RBFOX2: variants seen among roughly 807,000 people sequenced by gnomAD.
RBFOX2 encodes the protein RNA binding protein fox-1 homolog 2.
A neutral mutation model predicts 49.1 loss-of-function variants in RBFOX2; 10 were observed. The observed-to-expected ratio is 0.20, with a 90% CI of 0.13 to 0.35. The LOEUF is 0.35. Among genes scored for constraint, RBFOX2 ranks in the 10% least tolerant of loss-of-function variants. RBFOX2 has a pLI of 1.00. For synonymous variants in RBFOX2, 183 were observed against 187.4 expected (o/e 0.98, Z 0.19); for missense variants, 323 against 486.9 (o/e 0.66, Z 3.17).
intron 1 of RBFOX2, among the ~76,000 whole-genome samples, chr22:35,849,324 C>CACAG (rs1400152518): frequency 6.6e-6 from 1 of 151,608 alleles, no homozygotes; most frequent in Admixed American, 6.6e-5. Context: ...CACACACACA[C>CACAG]ACACACACAG....
intron 1 of RBFOX2, among the ~76,000 whole-genome samples, chr22:35,924,572 A>G (rs935844224): frequency 2.6e-5 from 4 of 152,216 alleles, no homozygotes; most frequent in African/African-American, 9.7e-5. Flanking sequence ...TTAATTTTTC[A>G]TATCGCTCTG....
intron 1 of RBFOX2, among the ~76,000 whole-genome samples, chr22:35,869,805 T>C (rs748057497): frequency 4.6e-5 from 7 of 152,232 alleles, no homozygotes. Context: ...GAAATTCTTT[T>C]AGTCACTGTG....
intron 1 of RBFOX2, among the ~76,000 whole-genome samples, chr22:35,923,779 G>A (rs1163328902): frequency 6.6e-6 from 1 of 150,864 alleles, no homozygotes; most frequent in African/African-American, 2.4e-5. Flanking sequence ...GGGTATGAAA[G>A]CAATACCCAT....
intron 1 of RBFOX2, among the ~76,000 whole-genome samples, chr22:35,860,791 G>C (rs1346432290): frequency 1.3e-5 from 2 of 152,150 alleles, no homozygotes; most frequent in African/African-American, 4.8e-5. Flanking sequence ...TAACATCCGA[G>C]AGAATTGAGT....
chr22:35,852,234 T>C (rs2042022302), intron 1 of RBFOX2, among the ~76,000 whole-genome samples: 1 of 152,170 alleles, frequency 6.6e-6, no homozygotes, highest in Non-Finnish European at 1.5e-5. Flanking sequence ...CACCATTTTA[T>C]ATAAGAAACT....
At chr22:35,903,204 C>T (rs2048778916) in intron 1 of RBFOX2, among the ~76,000 whole-genome samples, 1 of 152,076 alleles carries the variant, frequency 6.6e-6, no homozygotes, top group Admixed American at 6.6e-5. Flanking sequence ...CTTCAATCTA[C>T]TCAAAACAAA....
intron 8 of RBFOX2, 127 bp downstream of exon 9, chr22:35,761,075 A>T: frequency 1.3e-6 from 1 of 757,114 alleles, no homozygotes; most frequent in Non-Finnish European, 2.2e-6. Context: ...GCACTGGGAT[A>T]GTATTTAATA....
intron 1 of RBFOX2, among the ~76,000 whole-genome samples, chr22:35,980,691 G>A (rs921777721): frequency 6.6e-6 from 1 of 152,012 alleles, no homozygotes; most frequent in Non-Finnish European, 1.5e-5. Context: ...CAAGCAGCTT[G>A]CATACAGACC....
At chr22:35,758,247 T>C (rs1400927707) in intron 9 of RBFOX2, among the ~76,000 whole-genome samples, 2 of 152,164 alleles carry the variant, frequency 1.3e-5, no homozygotes, top group African/African-American at 4.8e-5. Context: ...AGATAAAATA[T>C]CTTTGAGCAA....
intron 1 of RBFOX2, among the ~76,000 whole-genome samples, chr22:35,852,462 G>A (rs981123040): frequency 4.0e-5 from 6 of 149,758 alleles, no homozygotes; most frequent in African/African-American, 1.5e-4. Flanking sequence ...TCTAGCCTGG[G>A]CAACATAGTG....
chr22:35,746,260 T>G (rs1380190696), intron 10 of RBFOX2, among the ~76,000 whole-genome samples: 1 of 151,854 alleles, frequency 6.6e-6, no homozygotes, highest in African/African-American at 2.4e-5. Context: ...AAAGAAGAGA[T>G]GAGAACAAGA....
chr22:35,976,974 A>C (rs989202840), intron 1 of RBFOX2, among the ~76,000 whole-genome samples: 1 of 151,936 alleles, frequency 6.6e-6, no homozygotes, highest in African/African-American at 2.4e-5. Flanking sequence ...AAAAAAAAAA[A>C]AAAAAGAAAA....
At chr22:35,748,945 A>G (rs1395064710) in intron 9 of RBFOX2, among the ~76,000 whole-genome samples, 2 of 152,336 alleles carry the variant, frequency 1.3e-5, no homozygotes, top group East Asian at 3.9e-4. Flanking sequence ...CATGGCTTTA[A>G]GCTGTATTCT....
intron 1 of RBFOX2, among the ~76,000 whole-genome samples, chr22:35,890,673 A>C (rs752716140): frequency 6.6e-5 from 10 of 152,128 alleles, no homozygotes; most frequent in African/African-American, 2.2e-4. Context: ...AACTCTGACA[A>C]TTGCAAACTG....
At chr22:35,957,017 G>A (rs2055642382) in intron 1 of RBFOX2, among the ~76,000 whole-genome samples, 1 of 152,174 alleles carries the variant, frequency 6.6e-6, no homozygotes, top group African/African-American at 2.4e-5. Context: ...GGTACAGGCA[G>A]TTTGTGGCAT....
chr22:35,965,045 C>G (rs929671472), upstream of RBFOX2, among the ~76,000 whole-genome samples: 1 of 152,154 alleles, frequency 6.6e-6, no homozygotes, highest in African/African-American at 2.4e-5. Flanking sequence ...CCCCAAAGAA[C>G]AAATAAATAG....
intron 1 of RBFOX2, among the ~76,000 whole-genome samples, chr22:35,850,234 A>C (rs866624671): frequency 1.2e-4 from 17 of 147,696 alleles, no homozygotes; most frequent in Middle Eastern, 3.5e-3. Context: ...ACACACACAC[A>C]CCCTTCTCAC....
At chr22:35,809,858 G>A (rs376991215) in exon 2 of RBFOX2, 3 of 1,613,948 alleles carry the variant, frequency 1.9e-6, no homozygotes, top group Non-Finnish European at 2.5e-6. Flanking sequence ...AGAGTGTCAG[G>A]TTATGCTCAC....
chr22:35,840,586 A>C, exon 1 of RBFOX2: 1 of 1,144,752 alleles, frequency 8.7e-7, no homozygotes, highest in Non-Finnish European at 1.1e-6. Context: ...CTGCTGGAGA[A>C]TGGCAGTTTG....
Sources: gnomAD v4.1 joint callset for allele counts (sites outside exome capture counted in the v4.1 genomes callset) on GRCh38, gnomAD v4.1.1 for gene constraint, MANE v1.5 for transcripts, NCBI Gene and HGNC (gene_info 2026-07-23, HGNC 2026-07-21) for gene names.